RBM33: variants seen among roughly 807,000 people sequenced by gnomAD.
RBM33 encodes the protein RNA-binding protein 33.
A neutral mutation model predicts 132.6 loss-of-function variants in RBM33; 28 were observed. That is an observed-to-expected ratio of 0.21 (90% CI 0.16 to 0.29). RBM33 has a LOEUF of 0.29. Among genes scored for constraint, RBM33 ranks in the 10% least tolerant of loss-of-function variants. The pLI, the probability that RBM33 is intolerant of heterozygous loss-of-function variation, is 1.00. For synonymous variants in RBM33, 634 were observed against 593.0 expected, an observed-to-expected ratio of 1.07 and a Z score of -1.01; for missense variants, 1,291 against 1,518.5, an observed-to-expected ratio of 0.85 and a Z score of 2.49.
rs866291425 is a variant in RBM33, at chr7:155,662,264, C to T, written c.44-2911C>T. Among the ~76,000 whole-genome samples the T allele has an allele frequency of 5.3e-5, 8 of 152,266 alleles. No homozygotes were observed. The Middle Eastern group carries it at 0.014, about 259-fold the overall frequency. On this transcript the variant is annotated intron_variant, in intron 1 of 17. Coordinates refer to ENST00000401878, the MANE Select transcript of RBM33 (RefSeq NM_053043.3). ...ACATTCAGGCTCCTTTGAATGGATA[C>T]TGTCCATGGTTCGTGTTTGAGATTT... is the stretch of plus-strand genomic sequence containing the variant.
At chr7:155,721,018 A>G (rs927847236) in intron 9 of RBM33, among the ~76,000 whole-genome samples, 1 of 152,334 alleles carries the variant, frequency 6.6e-6, no homozygotes, top group African/African-American at 2.4e-5. Context: ...GCCAGTTGTT[A>G]TGAAATTTGC....
In RBM33 at chr7:155,694,201, C is replaced by T. The variant is rs186451065; in HGVS notation, c.568-6572C>T. The stretch of plus-strand genomic sequence containing the variant: ...ATTGAAAAGCCTATTTTAGGTGACT[C>T]CTTTTATTTAACTAATGTTCTTCCT... On this transcript the variant is annotated intron_variant, in intron 5 of 17. Transcript: ENST00000401878. 1.3e-3 allele frequency among the ~76,000 whole-genome samples: 197 copies of T among 152,212 alleles called. No individual in the cohort carries two copies. The South Asian group carries it at 0.017, about 13-fold the overall frequency.
chr7:155,725,203 GTTT>G (rs59050644), intron 9 of RBM33, among the ~76,000 whole-genome samples: 1,447 of 105,112 alleles, frequency 0.014, 20 homozygotes, highest in African/African-American at 0.045. Context: ...TTTTTTAGTT[GTTT>G]TTTTTTTTTT....
chr7:155,757,349 G>A (rs542479289), intron 14 of RBM33, among the ~76,000 whole-genome samples: 1 of 151,908 alleles, frequency 6.6e-6, no homozygotes, highest in African/African-American at 2.4e-5. Context: ...GGGAATAATT[G>A]TTCTTTTAAT....
intron 7 of RBM33, among the ~76,000 whole-genome samples, chr7:155,710,472 C>T (rs1800249581): frequency 6.6e-6 from 1 of 152,222 alleles, no homozygotes; most frequent in Admixed American, 6.5e-5. Context: ...TTCTTCCTCT[C>T]TAGTGACTGT....
At chr7:155,737,386 TAGAAAGAGAAAGACA>T in intron 9 of RBM33, 129 bp from the exon 10 acceptor site, 45 of 689,462 alleles carry the variant, frequency 6.5e-5, no homozygotes, top group African/African-American at 2.0e-4. Context: ...TGTGTGTGTG[TAGAAAGAGAAAGACA>T]GTGACTGTTA....
At chr7:155,754,210 A>C (rs773254474) in intron 14 of RBM33, among the ~76,000 whole-genome samples, 2 of 152,228 alleles carry the variant, frequency 1.3e-5, no homozygotes, top group Non-Finnish European at 2.9e-5. Flanking sequence ...CAGGTGAGTC[A>C]GAAATAATTC....
In RBM33 at chr7:155,738,309, C is replaced by T. The variant is rs756691478; in HGVS notation, c.1643C>T (p.Ser548Leu). 3.7e-6 allele frequency: 6 copies of T among 1,613,930 alleles called. No individual in the cohort carries two copies. In the South Asian group the frequency reaches 4.4e-5, roughly 12 times the overall value. The change falls in exon 11 of 18, where the codon TCG becomes TTG. Residue 548 changes from serine (S) to leucine (L), a missense_variant. Coordinates refer to ENST00000401878, the MANE Select transcript of RBM33 (RefSeq NM_053043.3). The stretch of plus-strand genomic sequence containing the variant: ...ATTCTGCACTTTAGCCAGCCTGGGT[C>T]GGCAACCACACGGCCCTTCATTCCT... ...VGILHFSQPG[S>L]ATTRPFIPPR...
chr7:155,724,273 G>A (rs188996418), intron 9 of RBM33, among the ~76,000 whole-genome samples: 3 of 152,226 alleles, frequency 2.0e-5, no homozygotes, highest in African/African-American at 4.8e-5. Flanking sequence ...TCTGGCCAGC[G>A]CTCCCAGCAC....
Position 155,745,127 on chromosome 7 carries a change from A to G in RBM33, c.2504A>G (p.Tyr835Cys). Residue 835 changes from tyrosine (Y) to cysteine (C), a missense_variant, in exon 14 of 18, where the codon TAC becomes TGC. Physicochemically the swap from Tyr to Cys is radical, Grantham distance 194. Transcript: ENST00000401878. The surrounding 1 kb of genome is among the most constrained non-coding windows in gnomAD (Gnocchi z 4.1). ...ERLAQQQQQL[Y>C]APPPPAEQEE... The stretch of plus-strand genomic sequence containing the variant: ...CTCGCGCAGCAACAGCAGCAGCTGT[A>G]CGCTCCCCCACCCCCAGCAGAGCAG... 6.2e-7 allele frequency: 1 copy of G among 1,600,578 alleles called. No homozygotes were observed. Among genetic ancestry groups the G allele is most frequent in the Non-Finnish European group, 8.5e-7 (1 of 1,173,064 alleles).
chr7:155,679,844 G>A (rs1799288957), intron 4 of RBM33, among the ~76,000 whole-genome samples: 1 of 152,182 alleles, frequency 6.6e-6, no homozygotes, highest in Admixed American at 6.5e-5. Flanking sequence ...TGAGTGCTAT[G>A]TGTGAACACA....
chr7:155,737,550 G>C lies in RBM33; in HGVS notation c.1281G>C (p.Gln427His), dbSNP rs1801168189. Residue 427 changes from glutamine (Q) to histidine (H), a missense_variant, in exon 10 of 18, where the codon CAG becomes CAC. By Grantham distance (24) the Gln-to-His change is conservative. Coordinates refer to ENST00000401878, the MANE Select transcript of RBM33 (RefSeq NM_053043.3). ...TTTAGGGCCCTCCAGAATTTCCACA[G>C]CATACACCTGGACCTGTTCCCAACA... ...QRFPGPPEFP[Q>H]HTPGPVPNSF... 6.2e-7 allele frequency: 1 copy of C among 1,610,990 alleles called. No individual in the cohort carries two copies. The highest frequency in any genetic ancestry group is 2.2e-5 in the East Asian group (1 of 44,676).
Position 155,663,369 on chromosome 7 carries a change from GT to G in RBM33, c.44-1803del, listed in dbSNP as rs200153110. ...CAAGTGTGGTGTCAGCGCCTGCTCA[GT>G]TTCTGGGGAGGCCTCAGGGAGCTTT... is the stretch of plus-strand genomic sequence containing the variant. On this transcript the variant is annotated intron_variant, in intron 1 of 17. Transcript: ENST00000401878. 3.9e-3 allele frequency among the ~76,000 whole-genome samples: 600 copies of G among 152,168 alleles called. 6 individuals are homozygous for G. The highest frequency in any genetic ancestry group is 0.014 in the African/African-American group (578 of 41,502).
At chr7:155,695,197 T>G (rs560944203) in intron 5 of RBM33, among the ~76,000 whole-genome samples, 16 of 152,222 alleles carry the variant, frequency 1.1e-4, no homozygotes, top group Non-Finnish European at 2.2e-4. Context: ...AGTTTTAGTC[T>G]CTCACTCAAA....
chr7:155,715,533 T>C (rs1800436282), intron 8 of RBM33, among the ~76,000 whole-genome samples: 1 of 152,160 alleles, frequency 6.6e-6, no homozygotes, highest in Non-Finnish European at 1.5e-5. Flanking sequence ...AAAGCGCACG[T>C]GTGATTTAGC....
At chr7:155,663,344 C>T (rs1038655009) in intron 1 of RBM33, among the ~76,000 whole-genome samples, 4 of 151,842 alleles carry the variant, frequency 2.6e-5, no homozygotes, top group Non-Finnish European at 4.4e-5. Flanking sequence ...GTAGGCTGTA[C>T]AAGTGTGGTG....
chr7:155,748,073 G>A (rs1238628943), intron 14 of RBM33, among the ~76,000 whole-genome samples: 2 of 152,212 alleles, frequency 1.3e-5, no homozygotes, highest in African/African-American at 2.4e-5. Context: ...TTCAGGAGCC[G>A]AGGGCTGAGC....
chr7:155,650,240 A>C (rs1798319188), intron 1 of RBM33, among the ~76,000 whole-genome samples: 1 of 152,210 alleles, frequency 6.6e-6, no homozygotes, highest in Non-Finnish European at 1.5e-5. Flanking sequence ...CTCAGGTCAC[A>C]ATGCACAATC....
At chr7:155,680,486 T>C (rs1487075646) in intron 4 of RBM33, 104 bp from the exon 5 acceptor site, 1 of 841,610 alleles carries the variant, frequency 1.2e-6, no homozygotes, top group Non-Finnish European at 1.8e-6. Context: ...AATAACTTTT[T>C]ATCAGTCATG....
Sources: allele counts gnomAD v4.1 joint callset (sites outside exome capture counted in the v4.1 genomes callset), GRCh38; gene constraint gnomAD v4.1.1; non-coding constraint Gnocchi (gnomAD v3.1); transcripts MANE v1.5; gene names NCBI Gene and HGNC (gene_info 2026-07-23, HGNC 2026-07-21).